MBIP: variants seen among roughly 807,000 people sequenced by gnomAD.
MBIP encodes the protein MAP3K12 binding inhibitory protein 1, also known as MAP3K12-binding inhibitory protein 1.
A neutral mutation model predicts 45.7 loss-of-function variants in MBIP; 32 were observed. That is an observed-to-expected ratio of 0.70 (90% CI 0.53 to 0.94). The LOEUF (loss-of-function observed/expected upper bound fraction) is 0.94, where lower values mean the gene tolerates loss of function less well. MBIP is among the 40% of genes least tolerant of loss of function. MBIP has a pLI of 0.00. For missense variants in MBIP, 381 were observed against 405.5 expected (o/e 0.94, Z 0.52); for synonymous variants, 145 against 141.0 (o/e 1.03, Z -0.20).
In MBIP at chr14:36,316,791, C is replaced by T. The variant is rs370461247; in HGVS notation, c.151G>A (p.Val51Met). The T allele has an allele frequency of 5.6e-6, 9 of 1,611,724 alleles. No individual in the cohort carries two copies. Among genetic ancestry groups the T allele is most frequent in the African/African-American group, 5.3e-5 (4 of 74,800 alleles). Residue 51 changes from valine to methionine, a missense_variant, in exon 2 of 9, where the codon GTG becomes ATG. By Grantham distance (21) the Val-to-Met change is conservative. Coordinates refer to ENST00000416007, the MANE Select transcript of MBIP (RefSeq NM_016586.3). ...VGQLDLRDDVVKITIDWNKLQ... is the reference protein window; with the variant it reads ...VGQLDLRDDVMKITIDWNKLQ... ...TTGTTCCAATCGATTGTAATTTTCA[C>T]CACATCATCTCTGAGGTCAAGCTTC...
chr14:36,316,331 A>G (rs1007777506), intron 2 of MBIP, among the ~76,000 whole-genome samples: 2 of 152,128 alleles, frequency 1.3e-5, no homozygotes, highest in Non-Finnish European at 2.9e-5. Context: ...AAAGCACTCC[A>G]TGAGCCTCCA....
At chr14:36,300,992 G>A (rs1364953749) in intron 7 of MBIP, 169 bp from the exon 8 acceptor site, 1 of 462,104 alleles carries the variant, frequency 2.2e-6, no homozygotes, top group Non-Finnish European at 3.9e-6. Context: ...CTTATATTCT[G>A]CAAGTTACCC....
intron 7 of MBIP, among the ~76,000 whole-genome samples, chr14:36,306,424 T>A (rs1303208814): frequency 1.3e-5 from 2 of 152,008 alleles, no homozygotes; most frequent in African/African-American, 2.4e-5. Context: ...CCAGCTTATT[T>A]TTTTTATTTT....
Position 36,317,451 on chromosome 14 carries a change from C to T in MBIP, c.130-639G>A, listed in dbSNP as rs139623278. ...ATTATTTAGCAATGGAAGTCTGAAG[C>T]TGAAAAACAAAGACTTCTCCACCAC... On this transcript the variant is annotated intron_variant, in intron 1 of 8. Transcript: ENST00000416007. Among the ~76,000 whole-genome samples, 92 of 152,138 alleles carry T rather than the reference C, an allele frequency of 6.0e-4. No individual in the cohort carries two copies. The East Asian group carries it at 9.1e-3, about 15-fold the overall frequency.
intron 7 of MBIP, among the ~76,000 whole-genome samples, chr14:36,304,247 G>C (rs78666382): frequency 0.052 from 7,912 of 152,144 alleles, 641 homozygotes; most frequent in African/African-American, 0.18. Flanking sequence ...CTCTCAGTCA[G>C]TGCTTTGAAC....
Position 36,316,819 on chromosome 14 carries a change from A to AG in MBIP, c.130-8dup, listed in dbSNP as rs779264765. On this transcript the variant is annotated splice_polypyrimidine_tract_variant and splice_region_variant and intron_variant, in intron 1 of 8. Transcript: ENST00000416007. ...CATCATCTCTGAGGTCAAGCTTCAA[A>AG]GGGGCAAACCAGCAACATCACAAAA... The AG allele has an allele frequency of 1.9e-6, 3 of 1,602,148 alleles. No individual in the cohort carries two copies. The South Asian group carries it at 3.4e-5, about 18-fold the overall frequency.
rs925569770 is a variant in MBIP, at chr14:36,319,403, C to T, written c.129+1057G>A. The stretch of plus-strand genomic sequence containing the variant: ...TTTAAAAGTTATATCTTTAAGCAGA[C>T]TCCATTAATAACTGCGTCATTTCAT... On this transcript the variant is annotated intron_variant, in intron 1 of 8. Transcript: ENST00000416007. Among the ~76,000 whole-genome samples the T allele has an allele frequency of 2.6e-5, 4 of 152,234 alleles. 1 individual carries two copies. The highest frequency in any genetic ancestry group is 2.6e-4 in the Admixed American group (4 of 15,286).
chr14:36,317,740 A>G (rs1880661052), intron 1 of MBIP, among the ~76,000 whole-genome samples: 2 of 152,122 alleles, frequency 1.3e-5, no homozygotes, highest in African/African-American at 4.8e-5. Context: ...AGCATAGTAT[A>G]AGACTATACT....
chr14:36,308,333 GA>G lies in MBIP; in HGVS notation c.791-145del, dbSNP rs1880003989. Reference sequence around the variant, plus strand: ...ATAAAAAACAAAAGTAAAACAGAATGAAGTCCTTAGGTCGTATTTTTGTATT... The same window carrying G: ...ATAAAAAACAAAAGTAAAACAGAATGAGTCCTTAGGTCGTATTTTTGTATT... On this transcript the variant is annotated intron_variant, in intron 6 of 8. Coordinates refer to ENST00000416007, the MANE Select transcript of MBIP (RefSeq NM_016586.3). The G allele has an allele frequency of 5.3e-6, 3 of 570,966 alleles. No homozygotes were observed. The South Asian group carries it at 7.0e-5, about 13-fold the overall frequency. 35.4% of individuals were successfully genotyped at this position (570,966 alleles called of 1,614,324 possible).
chr14:36,320,535 C>T lies in MBIP; in HGVS notation c.54G>A (p.Glu18=). Residue 18 remains glutamate, a synonymous_variant, in exon 1 of 9, where the codon GAG becomes GAA. Transcript: ENST00000416007. The stretch of plus-strand genomic sequence containing the variant: ...GGGAGAGGTTGGGTCTGCATCTTCG[C>T]TCCAGGTTCCTGTCACCGCTGCTCG... The part of the protein sequence containing the change: ...NRPSSGDRNL[E]RRCRPNLSRE... The T allele has an allele frequency of 6.2e-7, 1 of 1,613,778 alleles. No homozygotes were observed. Among genetic ancestry groups the T allele is most frequent in the Non-Finnish European group, 8.5e-7 (1 of 1,179,832 alleles).
intron 7 of MBIP, among the ~76,000 whole-genome samples, chr14:36,304,497 A>AT (rs1322001065): frequency 6.6e-6 from 1 of 152,258 alleles, no homozygotes; most frequent in African/African-American, 2.4e-5. Flanking sequence ...TTCAAGTATC[A>AT]TAATTTAAAA....
chr14:36,319,634 C>T, intron 1 of MBIP: 1 of 412,460 alleles, frequency 2.4e-6, no homozygotes, highest in Non-Finnish European at 4.8e-6. Context: ...CTAGTACCAG[C>T]CCCAAAACAA....
Position 36,314,554 on chromosome 14 carries a change from TTTCA to T in MBIP, c.525_528del (p.Asn175LysfsTer36), listed in dbSNP as rs772537224. ...ACATTGCAAAATTCCCTGACGTTGT[TTTCA>T]TTGATTTCAGCTTGCTTTCTTTCAA... On this transcript the variant is annotated frameshift_variant, in exon 4 of 9. Transcript: ENST00000416007. LOFTEE classifies it high-confidence loss of function. 2 of 1,610,774 alleles carry T rather than the reference TTTCA, an allele frequency of 1.2e-6. No individual in the cohort carries two copies. Among genetic ancestry groups the T allele is most frequent in the South Asian group, 2.2e-5 (2 of 89,982 alleles).
chr14:36,311,475 T>G, intron 6 of MBIP, 98 bp downstream of exon 6: 1 of 1,110,744 alleles, frequency 9.0e-7, no homozygotes, highest in South Asian at 1.5e-5. Flanking sequence ...GTTCAAGAAA[T>G]GTTAGGAGCT....
intron 2 of MBIP, among the ~76,000 whole-genome samples, chr14:36,315,135 A>T (rs922305084): frequency 2.6e-5 from 4 of 152,082 alleles, no homozygotes; most frequent in South Asian, 2.1e-4. Context: ...TTTGTTTTTT[A>T]AAAAAGGAGA....
intron 7 of MBIP, among the ~76,000 whole-genome samples, chr14:36,302,799 T>C (rs1357171190): frequency 6.6e-6 from 1 of 152,210 alleles, no homozygotes; most frequent in Admixed American, 6.5e-5. Context: ...TATAAGGAAA[T>C]CTCAGTACAG....
At chr14:36,299,903 TA>T (rs900828197) in intron 8 of MBIP, among the ~76,000 whole-genome samples, 17 of 151,938 alleles carry the variant, frequency 1.1e-4, no homozygotes, top group Admixed American at 5.2e-4. Flanking sequence ...TAGTGGCTAT[TA>T]GGGGGTAAAG....
Position 36,314,908 on chromosome 14 carries a change from A to T in MBIP, c.257T>A (p.Leu86Ter), listed in dbSNP as rs1206493756. The T allele has an allele frequency of 1.9e-6, 3 of 1,607,176 alleles. No homozygotes were observed. The highest frequency in any genetic ancestry group is 2.6e-6 in the Non-Finnish European group (3 of 1,174,218). ...TTTAATCGGAGACTGAAGTTTTGCTAAAAAAGGCTGAGAACAACACAATTC... is the reference window on the plus strand; with the variant it reads ...TTTAATCGGAGACTGAAGTTTTGCTTAAAAAGGCTGAGAACAACACAATTC... ...EQHILYLQPF[L>*]AKLQSPIKEE... Residue 86 changes from leucine (L) to a stop codon, truncating the protein, a stop_gained, in exon 3 of 9, where the codon TTA becomes TAA. Transcript: ENST00000416007. LOFTEE classifies it high-confidence loss of function.
chr14:36,309,568 G>T (rs1880081903), intron 6 of MBIP, among the ~76,000 whole-genome samples: 1 of 152,230 alleles, frequency 6.6e-6, no homozygotes, highest in Non-Finnish European at 1.5e-5. Flanking sequence ...AACTTGTTAT[G>T]TAAAAATTCT....
Sources: allele counts gnomAD v4.1 joint callset (sites outside exome capture counted in the v4.1 genomes callset), GRCh38; gene constraint gnomAD v4.1.1; transcripts MANE v1.5; gene names NCBI Gene and HGNC (gene_info 2026-07-23, HGNC 2026-07-21).